Variants in CRYBA4 observed in about 807,000 individuals in gnomAD.
The protein encoded by CRYBA4 is crystallin beta A4, also known as beta-crystallin A4.
CRYBA4 carries 30 observed loss-of-function variants against 31.7 expected under a neutral mutation model. The ratio of observed to expected loss-of-function variants is 0.95; its 90% CI spans 0.71 to 1.28. The LOEUF (loss-of-function observed/expected upper bound fraction) is 1.28. CRYBA4 is among the 50% of genes most tolerant of loss of function. The pLI is 0.00. For synonymous variants in CRYBA4, 102 were observed against 102.3 expected, an observed-to-expected ratio of 1.00 and a Z score of 0.02; for missense variants, 225 against 260.7, an observed-to-expected ratio of 0.86 and a Z score of 0.94.
the CRYBA4 span, chr22:26,601,777 G>T: frequency 6.3e-7 from 1 of 1,575,764 alleles, no homozygotes; most frequent in Non-Finnish European, 8.6e-7. Context: ...AGGGGCCATG[G>T]CCTTCTCTAG....
At chr22:26,601,330 C>A in the CRYBA4 span, among the ~76,000 whole-genome samples, 7 of 152,032 alleles carry the variant, frequency 4.6e-5, no homozygotes, top group African/African-American at 1.4e-4. Flanking sequence ...AGATCCTGAG[C>A]GTTCAGAGCA....
intron 4 of CRYBA4, among the ~76,000 whole-genome samples, 200 bp downstream of exon 4, chr22:26,625,822 C>T (rs1218295228): frequency 3.3e-5 from 5 of 152,184 alleles, no homozygotes; most frequent in Non-Finnish European, 5.9e-5. Context: ...GGAAGAAGAA[C>T]GTATAACATC....
At chr22:26,601,916 T>C in the CRYBA4 span, 1 of 1,612,706 alleles carries the variant, frequency 6.2e-7, no homozygotes, top group South Asian at 1.1e-5. Flanking sequence ...ACGCGGTCAC[T>C]GAAGCCGTAG....
At chr22:26,612,256 T>A in the CRYBA4 span, 1 of 1,080,298 alleles carries the variant, frequency 9.3e-7, no homozygotes, top group Non-Finnish European at 1.4e-6. Context: ...ATTAAGTATC[T>A]ACATAAATAA....
At chr22:26,598,071 C>T in the CRYBA4 span, among the ~76,000 whole-genome samples, 4 of 152,006 alleles carry the variant, frequency 2.6e-5, no homozygotes, top group African/African-American at 4.8e-5. Context: ...TTTGTAGAGA[C>T]GGGGTTTCAC....
chr22:26,595,533 C>T, the CRYBA4 span, among the ~76,000 whole-genome samples: 7 of 148,436 alleles, frequency 4.7e-5, no homozygotes, highest in African/African-American at 1.8e-4. Context: ...GAGCCAAGAT[C>T]GGGCCATTGC....
the CRYBA4 span, among the ~76,000 whole-genome samples, chr22:26,608,422 C>CT: frequency 0.18 from 27,027 of 152,108 alleles, 3,147 homozygotes; most frequent in South Asian, 0.38. Context: ...GAGAAAGGCT[C>CT]GTTTGATGTT....
the CRYBA4 span, among the ~76,000 whole-genome samples, chr22:26,592,941 A>G: frequency 6.6e-6 from 1 of 152,170 alleles, no homozygotes; most frequent in Non-Finnish European, 1.5e-5. Context: ...CTTGTTGTCT[A>G]GGTTGGGACT....
the CRYBA4 span, among the ~76,000 whole-genome samples, chr22:26,605,944 A>T: frequency 3.7e-4 from 56 of 152,334 alleles, no homozygotes; most frequent in African/African-American, 1.3e-3. Context: ...TGCAGGCCAC[A>T]TGTGGCTCAG....
chr22:26,609,105 TC>T, the CRYBA4 span, among the ~76,000 whole-genome samples: 1 of 152,008 alleles, frequency 6.6e-6, no homozygotes, highest in African/African-American at 2.4e-5. Context: ...GTTCAAGAGT[TC>T]TTAGGAAAAA....
In CRYBA4 at chr22:26,621,991, G is replaced by A. The variant is rs547555981; in HGVS notation, c.-13+5G>A. ...ATGTTCCCTGGGCCTATCTCGGTAA[G>A]TCCCAGGTTTGGAGGAGGGGTGGGA... On this transcript the variant is annotated splice_donor_5th_base_variant and intron_variant, in intron 1 of 5. Coordinates refer to ENST00000354760, the MANE Select transcript of CRYBA4 (RefSeq NM_001886.3). 2.1e-5 allele frequency: 21 copies of A among 986,502 alleles called. No individual in the cohort carries two copies. The South Asian group carries it at 8.0e-4, about 37-fold the overall frequency. 61.1% of individuals were successfully genotyped at this position (986,502 alleles called of 1,614,324 possible). A position where few individuals can be genotyped will look rare whatever the true frequency, so the allele number is the denominator to read the frequency against.
At chr22:26,616,048 G>A in the CRYBA4 span, 1 of 1,007,366 alleles carries the variant, frequency 9.9e-7, no homozygotes, top group Admixed American at 1.7e-5. Flanking sequence ...GGAGTAAGAG[G>A]TGAAAGAGGA....
the CRYBA4 span, among the ~76,000 whole-genome samples, chr22:26,610,101 G>T: frequency 2.6e-5 from 4 of 152,162 alleles, no homozygotes; most frequent in African/African-American, 4.8e-5. Flanking sequence ...GACCAGTGAG[G>T]ATCTAAATTT....
the CRYBA4 span, among the ~76,000 whole-genome samples, chr22:26,612,964 G>C: frequency 7.2e-5 from 11 of 152,228 alleles, no homozygotes; most frequent in African/African-American, 2.6e-4. Flanking sequence ...AGTCACTGCT[G>C]TTTTGCTTTG....
At chr22:26,600,003 C>T in the CRYBA4 span, among the ~76,000 whole-genome samples, 29,737 of 152,106 alleles carry the variant, frequency 0.2, 3,038 homozygotes, top group Middle Eastern at 0.23. Flanking sequence ...TCCCATTAAA[C>T]GTGATGATGC....
upstream of CRYBA4, among the ~76,000 whole-genome samples, chr22:26,621,568 A>G (rs1312378641): frequency 2.0e-5 from 3 of 152,222 alleles, no homozygotes; most frequent in Non-Finnish European, 2.9e-5. Flanking sequence ...CAGGCATGTT[A>G]TGTAACCTCA....
the CRYBA4 span, among the ~76,000 whole-genome samples, chr22:26,603,171 T>C: frequency 6.6e-6 from 1 of 151,832 alleles, no homozygotes; most frequent in Non-Finnish European, 1.5e-5. Context: ...CCTCTGACAT[T>C]TATGCACTGG....
rs1194205126 is a variant in CRYBA4, at chr22:26,630,345, T to A, written c.449T>A (p.Val150Asp). Reference sequence around the variant, plus strand: ...CTGCCTTTTCTCTTTTCCAGCTGGGTTTGCTCCCAGTTTCCGGGCTACCGA... The same window carrying A: ...CTGCCTTTTCTCTTTTCCAGCTGGGATTGCTCCCAGTTTCCGGGCTACCGA... ...GSFHVHSGAW[V>D]CSQFPGYRGF... Residue 150 changes from valine to aspartate, a missense_variant, in exon 6 of 6, where the codon GTT becomes GAT. Val to Asp is a radical substitution (Grantham distance 152, BLOSUM62 -3). Transcript: ENST00000354760. 3 of 1,614,066 alleles carry A rather than the reference T, an allele frequency of 1.9e-6. No homozygotes were observed. The African/African-American group carries it at 4.0e-5, about 22-fold the overall frequency.
At chr22:26,603,199 C>T in the CRYBA4 span, among the ~76,000 whole-genome samples, 1 of 150,902 alleles carries the variant, frequency 6.6e-6, no homozygotes, top group South Asian at 2.1e-4. Context: ...GGACATTTTA[C>T]TCTGCCTCCT....
Sources: allele counts gnomAD v4.1 joint callset (sites outside exome capture counted in the v4.1 genomes callset), GRCh38; gene constraint gnomAD v4.1.1; transcripts MANE v1.5; gene names NCBI Gene and HGNC (gene_info 2026-07-23, HGNC 2026-07-21).